The following TMEM132D variants were observed in gnomAD, a reference collection of about 807,000 sequenced individuals.
TMEM132D encodes mature OL transmembrane protein.
In TMEM132D, 21 loss-of-function variants were observed where a neutral mutation model predicts 62.3. The observed-to-expected ratio is 0.34, with a 90% CI of 0.24 to 0.49. The LOEUF is 0.49. Ranked by LOEUF, TMEM132D falls within the 20% of genes least tolerant of loss-of-function variation. TMEM132D has a pLI of 0.99. For missense variants in TMEM132D, 1,346 were observed against 1,402.8 expected, an observed-to-expected ratio of 0.96 and a Z score of 0.65; for synonymous variants, 621 against 575.6, an observed-to-expected ratio of 1.08 and a Z score of -1.13.
chr12:129,624,478 G>A (rs982020183), intron 2 of TMEM132D, among the ~76,000 whole-genome samples: 1 of 152,186 alleles, frequency 6.6e-6, no homozygotes, highest in African/African-American at 2.4e-5. Flanking sequence ...GAGCTGTGTG[G>A]GACCCAGAGG....
At chr12:129,641,779 G>A (rs1593101506) in intron 2 of TMEM132D, among the ~76,000 whole-genome samples, 1 of 152,046 alleles carries the variant, frequency 6.6e-6, no homozygotes, top group African/African-American at 2.4e-5. Flanking sequence ...TCATCCCACC[G>A]CACTTGTCTT....
chr12:129,772,938 GC>G (rs1320435563), intron 1 of TMEM132D, among the ~76,000 whole-genome samples: 1 of 152,168 alleles, frequency 6.6e-6, no homozygotes, highest in African/African-American at 2.4e-5. Context: ...GACAGAGTGC[GC>G]AAGATTCATT....
intron 3 of TMEM132D, among the ~76,000 whole-genome samples, chr12:129,487,063 C>G (rs1466786788): frequency 6.6e-6 from 1 of 151,010 alleles, no homozygotes; most frequent in Non-Finnish European, 1.5e-5. Context: ...AGCTGTGTGA[C>G]AGTTGGTTTT....
intron 3 of TMEM132D, among the ~76,000 whole-genome samples, chr12:129,419,151 ACACC>A (rs1872221558): frequency 6.6e-6 from 1 of 151,720 alleles, no homozygotes; most frequent in African/African-American, 2.4e-5. Flanking sequence ...GAAAACTAAT[ACACC>A]CTATTTCTTC....
intron 4 of TMEM132D, among the ~76,000 whole-genome samples, chr12:129,289,052 T>C (rs1395797567): frequency 6.6e-6 from 1 of 151,996 alleles, no homozygotes; most frequent in Non-Finnish European, 1.5e-5. Flanking sequence ...TCTAAAATAG[T>C]CAAACTCATA....
chr12:129,722,265 A>G (rs1021998926), intron 1 of TMEM132D, among the ~76,000 whole-genome samples: 3 of 152,136 alleles, frequency 2.0e-5, no homozygotes, highest in Non-Finnish European at 4.4e-5. Context: ...GTCAGAACCT[A>G]TCCGGGTTGG....
chr12:129,745,344 G>T (rs980718054), intron 1 of TMEM132D, among the ~76,000 whole-genome samples: 1 of 152,188 alleles, frequency 6.6e-6, no homozygotes, highest in Non-Finnish European at 1.5e-5. Context: ...CTCTTCCAAA[G>T]TCAACACCCG....
rs116436095 is a variant in TMEM132D, at chr12:129,431,693, T to C, written c.1116-93876A>G. On this transcript the variant is annotated intron_variant, in intron 3 of 8. Transcript: ENST00000422113. ...AACATCCATATATGAATTCTGATTA[T>C]GCCACTCTCCTGCTGGAAACCTCCA... Among the ~76,000 whole-genome samples, 485 of 152,288 alleles carry C rather than the reference T, an allele frequency of 3.2e-3. 5 individuals are homozygous for C. Among genetic ancestry groups the C allele is most frequent in the African/African-American group, 0.011 (458 of 41,564 alleles).
Position 129,074,420 on chromosome 12 carries a change from C to T in TMEM132D, c.2755G>A (p.Gly919Arg). 6.2e-7 allele frequency: 1 copy of T among 1,614,136 alleles called. No homozygotes were observed. Among genetic ancestry groups the T allele is most frequent in the Non-Finnish European group, 8.5e-7 (1 of 1,180,040 alleles). The change falls in exon 9 of 9, where the codon GGG becomes AGG. Residue 919 changes from glycine to arginine, a missense_variant. Gly to Arg is a moderately radical substitution (Grantham distance 125). Transcript: ENST00000422113. ...AAGACTCCCAACAAAGCATACATCC[C>T]AATTTCTAAGTCGCTCAGCCCTTTG... ...ASKGLSDLEI[G>R]MYALLGVFCL...
intron 3 of TMEM132D, among the ~76,000 whole-genome samples, chr12:129,340,467 C>T (rs1869437065): frequency 6.6e-6 from 1 of 151,894 alleles, no homozygotes; most frequent in South Asian, 2.1e-4. Context: ...TTCCCCCCAC[C>T]CCACAATAGG....
At chr12:129,510,291 C>T (rs1052689936) in intron 3 of TMEM132D, among the ~76,000 whole-genome samples, 1 of 151,968 alleles carries the variant, frequency 6.6e-6, no homozygotes, top group African/African-American at 2.4e-5. Flanking sequence ...AGGTCTTTTG[C>T]CTATTTTTTA....
intron 1 of TMEM132D, among the ~76,000 whole-genome samples, chr12:129,900,899 C>T (rs1463128130): frequency 6.6e-6 from 1 of 152,108 alleles, no homozygotes; most frequent in Non-Finnish European, 1.5e-5. Context: ...GAAATACAAG[C>T]AACAAAACTT....
intron 2 of TMEM132D, among the ~76,000 whole-genome samples, chr12:129,537,315 C>T (rs574864068): frequency 4.6e-5 from 7 of 152,104 alleles, no homozygotes; most frequent in Middle Eastern, 3.4e-3. Flanking sequence ...TAATCAGTTG[C>T]CAAGTCCTGA....
chr12:129,366,853 G>GCTGTC (rs1870430811), intron 3 of TMEM132D, among the ~76,000 whole-genome samples: 1 of 152,202 alleles, frequency 6.6e-6, no homozygotes, highest in African/African-American at 2.4e-5. Context: ...AGAGAGATGG[G>GCTGTC]CTGTCAACAG....
chr12:129,215,268 G>A (rs76186283), intron 4 of TMEM132D, among the ~76,000 whole-genome samples: 20,695 of 152,094 alleles, frequency 0.14, 1,480 homozygotes, highest in Admixed American at 0.2. Context: ...TATAAGTGGG[G>A]GCTAAATGAT....
rs188363194 is a variant in TMEM132D at position 129,403,587 on chromosome 12, C to A, written c.1116-65770G>T. On this transcript the variant is annotated intron_variant, in intron 3 of 8. Coordinates refer to ENST00000422113, the MANE Select transcript of TMEM132D (RefSeq NM_133448.3). ...AAGCAAATCTGACAAAAGCAAGGAC[C>A]CTTCCTGAGCAATCTGCTAATATTC... Among the ~76,000 whole-genome samples, 6 of 151,982 alleles carry A rather than the reference C, an allele frequency of 3.9e-5. No individual in the cohort carries two copies. In the East Asian group the frequency reaches 9.7e-4, roughly 25 times the overall value.
intron 2 of TMEM132D, among the ~76,000 whole-genome samples, chr12:129,641,687 A>C (rs80050004): frequency 6.6e-6 from 1 of 152,088 alleles, no homozygotes; most frequent in East Asian, 1.9e-4. Context: ...CCAGGGCCAG[A>C]GTGACATGGA....
chr12:129,469,092 C>G (rs1874012343), intron 3 of TMEM132D, among the ~76,000 whole-genome samples: 1 of 152,160 alleles, frequency 6.6e-6, no homozygotes, highest in East Asian at 1.9e-4. Context: ...AAAACTGGTA[C>G]CCAAACCAAG....
intron 1 of TMEM132D, among the ~76,000 whole-genome samples, chr12:129,711,161 C>T (rs1400792234): frequency 6.6e-6 from 1 of 152,182 alleles, no homozygotes; most frequent in African/African-American, 2.4e-5. Flanking sequence ...CCTAAATACA[C>T]TTGCATTGGT....
Sources: gnomAD v4.1 joint callset for allele counts (sites outside exome capture counted in the v4.1 genomes callset) on GRCh38, gnomAD v4.1.1 for gene constraint, MANE v1.5 for transcripts, NCBI Gene and HGNC (gene_info 2026-07-23, HGNC 2026-07-21) for gene names.